TTN: variants seen among roughly 807,000 people sequenced by gnomAD.
TTN encodes the protein titin.
Under a neutral mutation model 3,223.0 loss-of-function variants are expected in TTN, and 1,525 were observed. That is an observed-to-expected ratio of 0.47 (90% CI 0.45 to 0.49). The LOEUF (loss-of-function observed/expected upper bound fraction) is 0.49, where lower values mean the gene tolerates loss of function less well. Among genes scored for constraint, TTN ranks in the 20% least tolerant of loss-of-function variants. TTN has a pLI of 0.00. For synonymous variants in TTN, 14,094 were observed against 15,161.0 expected, an observed-to-expected ratio of 0.93 and a Z score of 5.17; for missense variants, 40,786 against 43,424.0, an observed-to-expected ratio of 0.94 and a Z score of 5.40.
At position 178,557,165 on chromosome 2, in the gene TTN, G is replaced by C. The variant is rs187399141; in HGVS notation, c.88010-21C>G. The C allele has an allele frequency of 5.7e-4, 918 of 1,612,742 alleles. 3 individuals are homozygous for C. In the Admixed American group the frequency reaches 9.4e-3, roughly 17 times the overall value. ...GGGTTCTGTGGTAATAAGAGAAGCA[G>C]ATTAGCGGCACTTATAATATTTTGC... On this transcript the variant is annotated intron_variant, in intron 329 of 362. Transcript: ENST00000589042.
Position 178,528,836 on chromosome 2 carries a change from C to G in TTN, c.106915G>C (p.Val35639Leu), listed in dbSNP as rs557752216. The G allele has an allele frequency of 1.9e-6, 3 of 1,613,944 alleles. No individual in the cohort carries two copies. The African/African-American group carries it at 4.0e-5, about 22-fold the overall frequency. Residue 35639 changes from valine (V) to leucine (L), a missense_variant, in exon 360 of 363, where the codon GTA (valine) becomes CTA (leucine). Physicochemically the swap from Val to Leu is conservative, Grantham distance 32. Transcript: ENST00000589042. ...NIAGATDVKW[V>L]LNGVELTNSE... ...TTGGTAAGCTCTACGCCATTCAGTA[C>G]CCATTTCACATCAGTGGCACCAGCA...
Position 178,614,284 on chromosome 2 carries a change from T to C in TTN, c.49113A>G (p.Thr16371=). ...TDVTNESCLL[T]WNPPRDDGGS... ...CACCATCATCGCGTGGTGGGTTCCA[T>C]GTTAGAAGACATGACTCATTGGTTA... The change falls in exon 262 of 363, where the codon ACA becomes ACG. Residue 16371 remains threonine, a synonymous_variant. Transcript: ENST00000589042. The C allele has an allele frequency of 6.2e-7, 1 of 1,612,760 alleles. No homozygotes were observed. Among genetic ancestry groups the C allele is most frequent in the Non-Finnish European group, 8.5e-7 (1 of 1,179,254 alleles).
rs1315197288 is a variant in TTN at position 178,729,060 on chromosome 2, T to C, written c.18978A>G (p.Leu6326=). 4 of 1,612,672 alleles carry C rather than the reference T, an allele frequency of 2.5e-6. No individual in the cohort carries two copies. In the African/African-American group the frequency reaches 5.3e-5, roughly 22 times the overall value. Residue 6326 remains leucine (L), a synonymous_variant, in exon 65 of 363, where the codon CTA becomes CTG. Coordinates refer to ENST00000589042, the MANE Select transcript of TTN (RefSeq NM_001267550.2). ...CTTCATCAAGAATCTGATCATCCTT[T>C]AGCCAGGTTATAGAAATAGGAGGAG... ...AGSPPISITW[L]KDDQILDEDD... is the part of the protein sequence containing the mutation.
At chr2:178,747,944 G>C (rs1177836602) in intron 47 of TTN, 1 of 1,613,062 alleles carries the variant, frequency 6.2e-7, no homozygotes. Context: ...GAGTGTGTCA[G>C]CTTCCTGAAC....
Position 178,547,895 on chromosome 2 carries a change from G to C in TTN, c.93731C>G (p.Ala31244Gly). 6.2e-7 allele frequency: 1 copy of C among 1,613,780 alleles called. No individual in the cohort carries two copies. Among genetic ancestry groups the C allele is most frequent in the Admixed American group, 1.7e-5 (1 of 59,990 alleles). ...TTCCAGTTTCCATGTTACTTTGGGGGCAGGACGACCACTGATTGGTACGTC... is the reference window on the plus strand; with the variant it reads ...TTCCAGTTTCCATGTTACTTTGGGGCCAGGACGACCACTGATTGGTACGTC... Reference protein sequence around the residue: ...TIDVPISGRPAPKVTWKLEEM... With the variant: ...TIDVPISGRPGPKVTWKLEEM... Residue 31244 changes from alanine to glycine, a missense_variant, in exon 339 of 363, where the codon GCC (alanine) becomes GGC (glycine). Ala to Gly is a moderately conservative substitution (Grantham distance 60). Coordinates refer to ENST00000589042, the MANE Select transcript of TTN (RefSeq NM_001267550.2).
chr2:178,636,044 C>G lies in TTN; in HGVS notation c.41527G>C (p.Asp13843His). The G allele has an allele frequency of 2.5e-6, 4 of 1,613,300 alleles. No individual in the cohort carries two copies. The highest frequency in any genetic ancestry group is 3.4e-6 in the Non-Finnish European group (4 of 1,179,498). Residue 13843 changes from aspartate (D) to histidine (H), a missense_variant, in exon 226 of 363, where the codon GAT (aspartate) becomes CAT (histidine). Physicochemically the swap from Asp to His is moderately conservative, Grantham distance 81. Coordinates refer to ENST00000589042, the MANE Select transcript of TTN (RefSeq NM_001267550.2). This position sits in a 1 kb window ranked among gnomAD's most constrained non-coding sequence, Gnocchi z 4.3. ...LMRALTINDADDTDAGTYTVT... is the reference protein window; with the variant it reads ...LMRALTINDAHDTDAGTYTVT... ...GTGTATGTTCCAGCATCTGTGTCAT[C>G]TGCATCGTTGATGGTCAGAGCCCGC...
Position 178,723,130 on chromosome 2 carries a change from T to G in TTN, c.21877A>C (p.Thr7293Pro), listed in dbSNP as rs764415612. 2 of 1,613,628 alleles carry G rather than the reference T, an allele frequency of 1.2e-6. No individual in the cohort carries two copies. Among genetic ancestry groups the G allele is most frequent in the Non-Finnish European group, 8.5e-7 (1 of 1,179,656 alleles). ...KTCILEILNS[T>P]KRDAGQYSCE... ...GAATACTGCCCTGCATCTCTTTTTG[T>G]GCTATTCAGAATTTCCAGGATACAA... is the stretch of plus-strand genomic sequence containing the variant. The change falls in exon 75 of 363, where the codon ACA (threonine) becomes CCA (proline). Residue 7293 changes from threonine (T) to proline (P), a missense_variant. By Grantham distance (38) the Thr-to-Pro change is conservative. Transcript: ENST00000589042.
rs375408527 is a variant in TTN, at chr2:178,689,099, T to C, written c.32049A>G (p.Lys10683=). ...ALPKKPVPEE[K]VAVPVPVAKK... ...TAGCGACAGGAACTGGCACTGCAAC[T>C]TTCTCCTCTGGGACGGGTTTCTTAG... is the stretch of plus-strand genomic sequence containing the variant. Residue 10683 remains lysine (K), a synonymous_variant, in exon 125 of 363, where the codon AAA becomes AAG. Transcript: ENST00000589042. 4.3e-4 allele frequency: 686 copies of C among 1,612,218 alleles called. 1 individual carries two copies. Among genetic ancestry groups the C allele is most frequent in the South Asian group, 1.0e-3 (94 of 90,682 alleles).
At position 178,719,225 on chromosome 2, in the gene TTN, G is replaced by A. The variant is rs376896085; in HGVS notation, c.24165C>T (p.Tyr8055=). The A allele has an allele frequency of 2.6e-5, 42 of 1,613,662 alleles. No individual in the cohort carries two copies. The African/African-American group carries it at 4.8e-4, about 18-fold the overall frequency. ...SLLEPSDTGI[Y]TCVAANVAGS... ...CAGCTACATTGGCAGCCACACACGT[G>A]TATATGCCTGTGTCGGAGGGCTCCA... Residue 8055 remains tyrosine, a synonymous_variant, in exon 83 of 363, where the codon TAC becomes TAT. Coordinates refer to ENST00000589042, the MANE Select transcript of TTN (RefSeq NM_001267550.2).
rs2055582425 is a variant in TTN at position 178,608,907 on chromosome 2, A to C, written c.52104T>G (p.Asp17368Glu). The C allele has an allele frequency of 6.2e-7, 1 of 1,606,298 alleles. No homozygotes were observed. The change falls in exon 274 of 363, where the codon GAT becomes GAG. Residue 17368 changes from aspartate to glutamate, a missense_variant and splice_region_variant. Transcript: ENST00000589042. Reference protein sequence around the residue: ...AKAPCTVSVLDTPGPPINFVF... With the variant: ...AKAPCTVSVLETPGPPINFVF... ...CAAAGTTGATTGGTGGTCCCGGTGT[A>C]TCTAATATTTCAGAAGAGAACAGTA...
chr2:178,773,751 G>T, intron 31 of TTN, 26 bp from the exon 32 acceptor site: 1 of 1,613,982 alleles, frequency 6.2e-7, no homozygotes, highest in South Asian at 1.1e-5. Context: ...CACACAAGAT[G>T]AATGAATTTT....
At chr2:178,679,280 A>G in intron 142 of TTN, 59 bp downstream of exon 142, 2 of 1,564,854 alleles carry the variant, frequency 1.3e-6, no homozygotes, top group East Asian at 2.2e-5. Flanking sequence ...ATGGCTCACC[A>G]AGTTATGCTG....
Position 178,723,316 on chromosome 2 carries a change from C to T in TTN, c.21691G>A (p.Ala7231Thr), listed in dbSNP as rs1486491329. Residue 7231 changes from alanine (A) to threonine (T), a missense_variant, in exon 75 of 363, where the codon GCA becomes ACA. Ala to Thr is a moderately conservative substitution (Grantham distance 58, BLOSUM62 0). Coordinates refer to ENST00000589042, the MANE Select transcript of TTN (RefSeq NM_001267550.2). ...TTRLFVKEPA[A>T]FLKRLSDHSV... ...TGATCACTTAATCTCTTCAAAAATG[C>T]AGCTGGTTCTAGTAAGTGACAAAGC... The T allele has an allele frequency of 2.5e-6, 4 of 1,611,392 alleles. No individual in the cohort carries two copies. The South Asian group carries it at 4.4e-5, about 18-fold the overall frequency.
At chr2:178,556,802 ACT>A (rs1350397165) in intron 330 of TTN, 44 bp downstream of exon 330, 1 of 1,599,436 alleles carries the variant, frequency 6.3e-7, no homozygotes, top group Non-Finnish European at 8.5e-7. Flanking sequence ...ATGCGGAAAT[ACT>A]GAGTTAAATA....
chr2:178,667,200 T>C, intron 162 of TTN, 36 bp downstream of exon 162: 1 of 1,517,784 alleles, frequency 6.6e-7, no homozygotes, highest in Non-Finnish European at 9.0e-7. Context: ...GACAGTATAT[T>C]TTCTTCTTTA....
Position 178,537,170 on chromosome 2 carries a change from T to C in TTN, c.99939A>G (p.Lys33313=). ...AGGAGCCTCCGTCATCTGCGGGTGGTTTCCAGCTGATCACTGCGGAGTTCT... is the reference window on the plus strand; with the variant it reads ...AGGAGCCTCCGTCATCTGCGGGTGGCTTCCAGCTGATCACTGCGGAGTTCT... The part of the protein sequence containing the change: ...LLKNSAVISW[K]PPADDGGSWI... The change falls in exon 356 of 363, where the codon AAA becomes AAG. Residue 33313 remains lysine (K), a synonymous_variant. Coordinates refer to ENST00000589042, the MANE Select transcript of TTN (RefSeq NM_001267550.2). 6.2e-7 allele frequency: 1 copy of C among 1,613,650 alleles called. No homozygotes were observed. Among genetic ancestry groups the C allele is most frequent in the Non-Finnish European group, 8.5e-7 (1 of 1,179,726 alleles).
intron 127 of TTN, among the ~76,000 whole-genome samples, chr2:178,687,804 G>A (rs1261083160): frequency 6.6e-6 from 1 of 152,152 alleles, no homozygotes; most frequent in Non-Finnish European, 1.5e-5. Flanking sequence ...GCCAAGTCCT[G>A]TTTAATGAAA....
At chr2:178,705,008 A>G in intron 103 of TTN, 42 bp from the exon 104 acceptor site, 1 of 1,606,634 alleles carries the variant, frequency 6.2e-7, no homozygotes, top group Non-Finnish European at 8.5e-7. Context: ...ATGAAACAAA[A>G]TTTGATTTAG....
intron 121 of TTN, among the ~76,000 whole-genome samples, chr2:178,690,933 T>G (rs2072250111): frequency 1.3e-5 from 2 of 152,174 alleles, no homozygotes; most frequent in African/African-American, 4.8e-5. Context: ...AATGTTCAGA[T>G]AGTATATAGA....
Sources: gnomAD v4.1 joint callset for allele counts (sites outside exome capture counted in the v4.1 genomes callset) on GRCh38, gnomAD v4.1.1 for gene constraint, Gnocchi (gnomAD v3.1) non-coding constraint, MANE v1.5 for transcripts, NCBI Gene and HGNC (gene_info 2026-07-23, HGNC 2026-07-21) for gene names.